Variants in NELL2 observed in about 807,000 individuals in gnomAD.
NELL2 encodes the protein neural EGFL like 2.
NELL2 carries 41 observed loss-of-function variants against 109.6 expected under a neutral mutation model. The observed-to-expected ratio is 0.37, with a 90% CI of 0.29 to 0.49. The LOEUF (loss-of-function observed/expected upper bound fraction) is 0.49, where lower values mean the gene tolerates loss of function less well. Among genes scored for constraint, NELL2 ranks in the 20% least tolerant of loss-of-function variants. The pLI is 0.98. For missense variants in NELL2, 900 were observed against 1,008.3 expected, an observed-to-expected ratio of 0.89 and a Z score of 1.45; for synonymous variants, 355 against 344.7, an observed-to-expected ratio of 1.03 and a Z score of -0.33.
chr12:44,712,778 C>T (rs1938274117), intron 10 of NELL2, among the ~76,000 whole-genome samples: 1 of 151,880 alleles, frequency 6.6e-6, no homozygotes, highest in Admixed American at 6.6e-5. Context: ...AGTTTGAAGA[C>T]TTGGTGTAAC....
At chr12:44,615,048 C>G (rs1945767959) in intron 13 of NELL2, among the ~76,000 whole-genome samples, 1 of 151,970 alleles carries the variant, frequency 6.6e-6, no homozygotes, top group Non-Finnish European at 1.5e-5. Flanking sequence ...AAAAAGCTTA[C>G]AGTTTAGTTG....
Position 44,532,678 on chromosome 12 carries a change from A to C in NELL2, c.1707T>G (p.Arg569=), listed in dbSNP as rs150827105. The C allele has an allele frequency of 3.7e-6, 6 of 1,613,618 alleles. No individual in the cohort carries two copies. In the East Asian group the frequency reaches 1.3e-4, roughly 36 times the overall value. Residue 569 remains arginine (R), a synonymous_variant, in exon 16 of 20, where the codon CGT becomes CGG. Transcript: ENST00000429094. ...ATCCAGGCAGGTTAATGCAATTAGC[A>C]CGACTGTCACATTGAACAAAACCAT... ...CSDGFVQCDS[R]ANCINLPGWY...
chr12:44,874,308 T>C (rs187934821), intron 2 of NELL2, among the ~76,000 whole-genome samples: 1 of 152,318 alleles, frequency 6.6e-6, no homozygotes, highest in East Asian at 1.9e-4. Context: ...CCATTAGATA[T>C]GTTAAACCAA....
In NELL2 at chr12:44,774,839, A is replaced by G. The variant is rs191992842; in HGVS notation, c.902T>C (p.Ile301Thr). ...TGGGCAGATTAGAGTTTCACACTGG[A>G]TGGTTCCATTCTGAAAAGGAAACAA... Reference protein sequence around the residue: ...CKNCTCLNGTIQCETLICPNP... With the variant: ...CKNCTCLNGTTQCETLICPNP... Residue 301 changes from isoleucine to threonine, a missense_variant, in exon 9 of 20, where the codon ATC becomes ACC. Physicochemically the swap from Ile to Thr is moderately conservative, Grantham distance 89 (BLOSUM62 -1). Transcript: ENST00000429094. The G allele has an allele frequency of 6.2e-7, 1 of 1,612,446 alleles. No individual in the cohort carries two copies. Among genetic ancestry groups the G allele is most frequent in the Non-Finnish European group, 8.5e-7 (1 of 1,178,620 alleles).
chr12:44,602,442 G>A (rs1323950024), intron 15 of NELL2, among the ~76,000 whole-genome samples: 1 of 152,168 alleles, frequency 6.6e-6, no homozygotes, highest in Admixed American at 6.5e-5. Context: ...CTTTATTACA[G>A]TAAAGTATAT....
intron 15 of NELL2, among the ~76,000 whole-genome samples, chr12:44,586,001 G>A (rs1267328611): frequency 6.6e-6 from 1 of 151,382 alleles, no homozygotes; most frequent in Non-Finnish European, 1.5e-5. Flanking sequence ...CCCATATGCT[G>A]TTCAAATGAA....
chr12:44,606,568 T>C (rs1945409373), intron 15 of NELL2, among the ~76,000 whole-genome samples: 1 of 152,112 alleles, frequency 6.6e-6, no homozygotes, highest in African/African-American at 2.4e-5. Flanking sequence ...TATTTTACTT[T>C]AGGGTTATAA....
chr12:44,751,573 C>A (rs1940654971), intron 9 of NELL2, among the ~76,000 whole-genome samples: 5 of 152,108 alleles, frequency 3.3e-5, no homozygotes, highest in Admixed American at 2.0e-4. Flanking sequence ...GCTTAAAAAT[C>A]CACATGTATG....
intron 1 of NELL2, among the ~76,000 whole-genome samples, chr12:44,891,020 G>A (rs1003167463): frequency 5.9e-5 from 9 of 152,170 alleles, no homozygotes; most frequent in South Asian, 4.1e-4. Context: ...GTAAGCCACC[G>A]CACCCAGCAG....
intron 15 of NELL2, among the ~76,000 whole-genome samples, chr12:44,595,705 T>C (rs370908180): frequency 2.6e-5 from 4 of 151,636 alleles, no homozygotes; most frequent in African/African-American, 9.7e-5. Context: ...CCTCCCAAAG[T>C]GCTGGGATTA....
At chr12:44,781,676 C>T (rs932470390) in intron 3 of NELL2, among the ~76,000 whole-genome samples, 1 of 151,886 alleles carries the variant, frequency 6.6e-6, no homozygotes, top group Non-Finnish European at 1.5e-5. Flanking sequence ...ACATTAAGTA[C>T]AAGGAAAAAT....
At position 44,737,647 on chromosome 12, in the gene NELL2, C is replaced by T. The variant is rs550315212; in HGVS notation, c.995-22906G>A. On this transcript the variant is annotated intron_variant, in intron 9 of 19. Transcript: ENST00000429094. ...ATGGCCACACAACAATTGTGATCAACCTGCATCATTAAATGAGTATTGGCC... is the reference window on the plus strand; with the variant it reads ...ATGGCCACACAACAATTGTGATCAATCTGCATCATTAAATGAGTATTGGCC... Among the ~76,000 whole-genome samples, 4 of 152,150 alleles carry T rather than the reference C, an allele frequency of 2.6e-5. No individual in the cohort carries two copies. In the South Asian group the frequency reaches 8.3e-4, roughly 32 times the overall value.
chr12:44,577,845 A>G (rs1352945068), intron 15 of NELL2, among the ~76,000 whole-genome samples: 1 of 152,152 alleles, frequency 6.6e-6, no homozygotes, highest in Non-Finnish European at 1.5e-5. Context: ...TTTATATAAT[A>G]GTAATTGCCC....
intron 12 of NELL2, among the ~76,000 whole-genome samples, chr12:44,687,395 T>C (rs200322844): frequency 6.6e-6 from 1 of 152,218 alleles, no homozygotes; most frequent in African/African-American, 2.4e-5. Flanking sequence ...AGCTGTAGAC[T>C]GGAGCTGTTC....
At position 44,613,991 on chromosome 12, in the gene NELL2, A is replaced by C. The variant is rs187920731; in HGVS notation, c.1445-3021T>G. 2.7e-4 allele frequency among the ~76,000 whole-genome samples: 41 copies of C among 152,158 alleles called. No individual in the cohort carries two copies. In the East Asian group the frequency reaches 7.7e-3, roughly 29 times the overall value. Reference sequence around the variant, plus strand: ...GAATAAGGAAGGAAATTCTAAGGTAAAATTTAAATCAATATTATGTTCCAA... The same window carrying C: ...GAATAAGGAAGGAAATTCTAAGGTACAATTTAAATCAATATTATGTTCCAA... On this transcript the variant is annotated intron_variant, in intron 13 of 19. Coordinates refer to ENST00000429094, the MANE Select transcript of NELL2 (RefSeq NM_001145108.2).
intron 12 of NELL2, among the ~76,000 whole-genome samples, chr12:44,676,421 A>C (rs1487734539): frequency 6.6e-6 from 1 of 152,144 alleles, no homozygotes; most frequent in African/African-American, 2.4e-5. Flanking sequence ...CACTGAAAGG[A>C]ACTGCCAGCT....
chr12:44,651,926 T>C (rs747976874), intron 13 of NELL2, among the ~76,000 whole-genome samples: 11 of 152,170 alleles, frequency 7.2e-5, no homozygotes, highest in Non-Finnish European at 1.0e-4. Context: ...TAATTGATAG[T>C]TGAGGTACGG....
intron 3 of NELL2, among the ~76,000 whole-genome samples, chr12:44,780,614 A>T (rs1941922656): frequency 6.6e-6 from 1 of 152,004 alleles, no homozygotes; most frequent in African/African-American, 2.4e-5. Flanking sequence ...TGAAGACCAT[A>T]CAATGAGGAG....
chr12:44,574,983 T>C (rs1313232652), intron 15 of NELL2, among the ~76,000 whole-genome samples: 1 of 152,214 alleles, frequency 6.6e-6, no homozygotes, highest in Non-Finnish European at 1.5e-5. Context: ...GTATAAATTA[T>C]AGAATGCATC....
Sources: gnomAD v4.1 joint callset for allele counts (sites outside exome capture counted in the v4.1 genomes callset) on GRCh38, gnomAD v4.1.1 for gene constraint, MANE v1.5 for transcripts, NCBI Gene and HGNC (gene_info 2026-07-23, HGNC 2026-07-21) for gene names.